Variants in DGKI observed in about 807,000 individuals in gnomAD.
The protein encoded by DGKI is DAG kinase iota.
DGKI carries 55 observed loss-of-function variants against 147.5 expected under a neutral mutation model. The observed-to-expected ratio is 0.37, with a 90% CI of 0.30 to 0.47. The LOEUF (loss-of-function observed/expected upper bound fraction) is 0.47. Among genes scored for constraint, DGKI ranks in the 20% least tolerant of loss-of-function variants. The pLI is 1.00. For missense variants in DGKI, 1,007 were observed against 1,323.8 expected (o/e 0.76, Z 3.71); for synonymous variants, 469 against 477.1 (o/e 0.98, Z 0.22).
At chr7:137,425,511 T>C (rs548553407) in intron 28 of DGKI, among the ~76,000 whole-genome samples, 109 of 152,306 alleles carry the variant, frequency 7.2e-4, no homozygotes, top group African/African-American at 2.5e-3. Context: ...TCCAAAGGAA[T>C]GCAGTTCCTC....
chr7:137,391,439 A>G (rs1166060141), intron 32 of DGKI, 103 bp from the exon 33 acceptor site: 2 of 788,320 alleles, frequency 2.5e-6, no homozygotes, highest in East Asian at 5.1e-5. Flanking sequence ...AAAATCACAG[A>G]AACAGAACTA....
chr7:137,422,698 G>A (rs1015608436), intron 28 of DGKI, among the ~76,000 whole-genome samples: 22 of 130,930 alleles, frequency 1.7e-4, no homozygotes, highest in African/African-American at 4.4e-4. Context: ...TCTGCCTCCC[G>A]GGTTCACGCA....
intron 1 of DGKI, among the ~76,000 whole-genome samples, chr7:137,735,404 CCCAAGAGT>C (rs1173913967): frequency 1.3e-5 from 2 of 151,952 alleles, no homozygotes; most frequent in Non-Finnish European, 2.9e-5. Flanking sequence ...TTACTTATCC[CCCAAGAGT>C]CAAATCAGGA....
chr7:137,397,921 C>A (rs1811611180), intron 30 of DGKI, among the ~76,000 whole-genome samples: 1 of 152,174 alleles, frequency 6.6e-6, no homozygotes, highest in Admixed American at 6.5e-5. Context: ...CATCAAATGA[C>A]TATAGATGCA....
At chr7:137,707,026 G>A (rs193102855) in intron 1 of DGKI, among the ~76,000 whole-genome samples, 14 of 152,276 alleles carry the variant, frequency 9.2e-5, no homozygotes, top group African/African-American at 2.2e-4. Context: ...TTCCCCAGTC[G>A]TGACATGTTA....
intron 30 of DGKI, among the ~76,000 whole-genome samples, chr7:137,400,226 A>G (rs758185324): frequency 2.0e-5 from 3 of 152,256 alleles, no homozygotes; most frequent in Non-Finnish European, 4.4e-5. Flanking sequence ...TAAGTACCCA[A>G]TGGTCCTCTT....
At chr7:137,814,345 C>T (rs896856699) in intron 1 of DGKI, among the ~76,000 whole-genome samples, 13 of 152,306 alleles carry the variant, frequency 8.5e-5, no homozygotes, top group Admixed American at 3.9e-4. Context: ...TCATCAACTC[C>T]TCTTCTCTTC....
At chr7:137,495,015 T>TA (rs1273549845) in intron 21 of DGKI, among the ~76,000 whole-genome samples, 1 of 151,824 alleles carries the variant, frequency 6.6e-6, no homozygotes, top group African/African-American at 2.4e-5. Context: ...TCAGACAAAA[T>TA]AGACTTTAAA....
chr7:137,585,720 G>A (rs1373974430), intron 13 of DGKI, among the ~76,000 whole-genome samples: 1 of 152,120 alleles, frequency 6.6e-6, no homozygotes, highest in African/African-American at 2.4e-5. Flanking sequence ...TGTTTGGAGA[G>A]GCAGGGAAAG....
At chr7:137,733,461 A>G (rs1465874748) in intron 1 of DGKI, among the ~76,000 whole-genome samples, 2 of 152,094 alleles carry the variant, frequency 1.3e-5, no homozygotes, top group South Asian at 2.1e-4. Flanking sequence ...CATTGTATGT[A>G]TGTACCACAT....
intron 1 of DGKI, among the ~76,000 whole-genome samples, chr7:137,841,984 A>C (rs1353422106): frequency 6.6e-6 from 1 of 152,152 alleles, no homozygotes; most frequent in African/African-American, 2.4e-5. Context: ...CAGAATAAGT[A>C]CTCCGGACAG....
intron 1 of DGKI, among the ~76,000 whole-genome samples, chr7:137,751,900 AAAT>A (rs1485524068): frequency 6.6e-6 from 1 of 152,230 alleles, no homozygotes; most frequent in Non-Finnish European, 1.5e-5. Context: ...AGATGATATA[AAAT>A]AATAATAACA....
In DGKI at chr7:137,577,245, G is replaced by A. The variant is rs940663926; in HGVS notation, c.1738C>T (p.Leu580=). 7.5e-6 allele frequency: 12 copies of A among 1,599,476 alleles called. No homozygotes were observed. The highest frequency in any genetic ancestry group is 1.0e-5 in the Non-Finnish European group (12 of 1,170,280). Residue 580 remains leucine (L), a synonymous_variant, in exon 17 of 33, where the codon CTA becomes TTA. Coordinates refer to ENST00000614521, the MANE Select transcript of DGKI (RefSeq NM_001321708.2). The part of the protein sequence containing the change: ...SDFLQRSSRD[L]SKHVKVVCDG... ...ACAACAACTTTAACATGTTTGGATA[G>A]ATCTCTAGAACTTCTCTGTAGGAAG...
intron 10 of DGKI, 34 bp downstream of exon 10, chr7:137,608,932 A>T: frequency 6.6e-7 from 1 of 1,524,568 alleles, no homozygotes; most frequent in Non-Finnish European, 9.1e-7. Flanking sequence ...AATTATCAAA[A>T]CTTCTAAGTT....
intron 3 of DGKI, among the ~76,000 whole-genome samples, chr7:137,676,458 T>A (rs996652056): frequency 6.6e-6 from 1 of 152,186 alleles, no homozygotes; most frequent in African/African-American, 2.4e-5. Flanking sequence ...CTATGTATCA[T>A]CTCACCAAAC....
intron 6 of DGKI, among the ~76,000 whole-genome samples, chr7:137,635,293 C>T (rs1463980584): frequency 1.3e-5 from 2 of 152,128 alleles, no homozygotes; most frequent in Non-Finnish European, 2.9e-5. Context: ...TTCTAACCTG[C>T]CAGCAAAAGA....
At chr7:137,517,303 G>GAAAC (rs1563063874) in intron 21 of DGKI, among the ~76,000 whole-genome samples, 1 of 97,554 alleles carries the variant, frequency 1.0e-5, no homozygotes, top group Non-Finnish European at 2.0e-5. Context: ...AAGAAAGAAA[G>GAAAC]AAAGAAAGAA....
At chr7:137,563,590 G>A (rs1243020116) in intron 19 of DGKI, among the ~76,000 whole-genome samples, 3 of 151,856 alleles carry the variant, frequency 2.0e-5, no homozygotes, top group African/African-American at 7.2e-5. Flanking sequence ...GCAAAGTTAT[G>A]AGACAAGGTC....
At chr7:137,580,869 A>G (rs974284669) in intron 15 of DGKI, among the ~76,000 whole-genome samples, 3 of 152,070 alleles carry the variant, frequency 2.0e-5, no homozygotes, top group Non-Finnish European at 4.4e-5. Flanking sequence ...CATAACCTGG[A>G]GGGAAAAAAG....
Sources: allele counts gnomAD v4.1 joint callset (sites outside exome capture counted in the v4.1 genomes callset), GRCh38; gene constraint gnomAD v4.1.1; transcripts MANE v1.5; gene names NCBI Gene and HGNC (gene_info 2026-07-23, HGNC 2026-07-21).